DDX4: variants seen among roughly 807,000 people sequenced by gnomAD.
DDX4 encodes probable ATP-dependent RNA helicase DDX4.
In DDX4, 25 loss-of-function variants were observed where a neutral mutation model predicts 100.0. The observed-to-expected ratio is 0.25, with a 90% CI of 0.18 to 0.35. The LOEUF is 0.35. DDX4 is among the 10% of genes least tolerant of loss of function. DDX4 has a pLI of 1.00. For missense variants in DDX4, 635 were observed against 882.4 expected (o/e 0.72, Z 3.55); for synonymous variants, 259 against 275.7 (o/e 0.94, Z 0.60).
intron 18 of DDX4, among the ~76,000 whole-genome samples, chr5:55,802,905 G>A (rs1292893718): frequency 1.3e-5 from 2 of 151,886 alleles, no homozygotes; most frequent in African/African-American, 4.8e-5. Context: ...AAAAATACTA[G>A]GCAAAAAATC....
chr5:55,773,628 TG>T, intron 7 of DDX4, among the ~76,000 whole-genome samples: 1 of 152,174 alleles, frequency 6.6e-6, no homozygotes, highest in Non-Finnish European at 1.5e-5. Context: ...GTGGGTTTTT[TG>T]TTTTTTTATT....
chr5:55,794,329 A>G (rs555063325), intron 17 of DDX4, among the ~76,000 whole-genome samples: 1 of 150,542 alleles, frequency 6.6e-6, no homozygotes, highest in African/African-American at 2.4e-5. Flanking sequence ...CTGGGATTAC[A>G]GGCGCCTGCC....
At chr5:55,761,302 T>C (rs1382263351) in intron 4 of DDX4, among the ~76,000 whole-genome samples, 9 of 152,154 alleles carry the variant, frequency 5.9e-5, no homozygotes, top group African/African-American at 2.2e-4. Flanking sequence ...ATATTACATT[T>C]AGGAGCATAT....
chr5:55,787,671 A>G (rs573441605), intron 14 of DDX4, among the ~76,000 whole-genome samples, 175 bp from the exon 15 acceptor site: 1 of 152,346 alleles, frequency 6.6e-6, no homozygotes, highest in East Asian at 1.9e-4. Context: ...TAATAAGAGC[A>G]TAAAGACATA....
chr5:55,815,201 A>G, intron 20 of DDX4, 30 bp downstream of exon 20: 2 of 1,608,172 alleles, frequency 1.2e-6, no homozygotes, highest in Non-Finnish European at 1.7e-6. Flanking sequence ...TGGAATGGAT[A>G]GTTTTCTTAC....
At chr5:55,783,963 A>G (rs1363929213) in intron 10 of DDX4, among the ~76,000 whole-genome samples, 1 of 151,586 alleles carries the variant, frequency 6.6e-6, no homozygotes, top group East Asian at 1.9e-4. Flanking sequence ...TACATTAGGT[A>G]TTTCTCCTAA....
chr5:55,793,376 A>G (rs1742716158), intron 17 of DDX4, among the ~76,000 whole-genome samples: 1 of 152,068 alleles, frequency 6.6e-6, no homozygotes, highest in African/African-American at 2.4e-5. Flanking sequence ...GATGGGTCCT[A>G]TGGTTCAACA....
intron 18 of DDX4, among the ~76,000 whole-genome samples, chr5:55,813,236 A>G (rs986144448): frequency 2.6e-4 from 39 of 152,334 alleles, no homozygotes; most frequent in African/African-American, 9.1e-4. Context: ...AAGCAGCCCC[A>G]GGTCAGATGC....
At chr5:55,800,711 C>T (rs768987593) in intron 18 of DDX4, among the ~76,000 whole-genome samples, 5 of 151,966 alleles carry the variant, frequency 3.3e-5, no homozygotes, top group Non-Finnish European at 4.4e-5. Flanking sequence ...AGCTGGTTTG[C>T]CCTTGAGAAA....
intron 7 of DDX4, among the ~76,000 whole-genome samples, chr5:55,768,402 A>G (rs1301702933): frequency 6.6e-6 from 1 of 152,092 alleles, no homozygotes; most frequent in African/African-American, 2.4e-5. Flanking sequence ...CTGTTCCTGC[A>G]TTAGTTTGCT....
At chr5:55,813,831 A>G in intron 19 of DDX4, 59 bp downstream of exon 19, 1 of 1,458,832 alleles carries the variant, frequency 6.9e-7, no homozygotes, top group Admixed American at 2.5e-5. Flanking sequence ...TATTTAAGAA[A>G]CATCAGTTTA....
intron 10 of DDX4, among the ~76,000 whole-genome samples, chr5:55,783,132 A>G (rs957793089): frequency 3.3e-5 from 5 of 152,064 alleles, no homozygotes; most frequent in Admixed American, 3.3e-4. Flanking sequence ...GTGTCATATA[A>G]AAGTTAAAAT....
intron 2 of DDX4, among the ~76,000 whole-genome samples, chr5:55,744,010 T>G: frequency 6.6e-6 from 1 of 151,638 alleles, no homozygotes; most frequent in East Asian, 2.0e-4. Flanking sequence ...ATTGGATAAT[T>G]GTTCTTGTTT....
intron 18 of DDX4, among the ~76,000 whole-genome samples, chr5:55,804,637 A>G (rs1743570666): frequency 6.6e-6 from 1 of 151,904 alleles, no homozygotes; most frequent in Admixed American, 6.6e-5. Flanking sequence ...AGTTGTAGAT[A>G]TGCTGCGTTA....
rs773806504 is a variant in DDX4 at position 55,738,950 on chromosome 5, A to T, written c.-14A>T. On this transcript the variant is annotated splice_region_variant and 5_prime_UTR_variant, in exon 2 of 22. Coordinates refer to ENST00000505374, the MANE Select transcript of DDX4 (RefSeq NM_024415.3). ...TGCATTTTTTTTTTTTTATGAATAG[A>T]ACTTGAAGCCACCATGGGAGATGAA... 1 of 1,555,616 alleles carries T rather than the reference A, an allele frequency of 6.4e-7. No homozygotes were observed. The highest frequency in any genetic ancestry group is 1.1e-5 in the South Asian group (1 of 88,178).
At chr5:55,812,453 A>G (rs1042337379) in intron 18 of DDX4, among the ~76,000 whole-genome samples, 9 of 152,134 alleles carry the variant, frequency 5.9e-5, no homozygotes, top group African/African-American at 2.2e-4. Context: ...AGTCCCAGCT[A>G]CTCAGGAGGC....
At chr5:55,782,359 C>T (rs796085105) in intron 10 of DDX4, 7 of 185,238 alleles carry the variant, frequency 3.8e-5, no homozygotes, top group African/African-American at 1.6e-4. Context: ...AATTCTAGCA[C>T]TTTCGGAGGC....
chr5:55,763,878 G>A (rs1740723614), intron 5 of DDX4, 136 bp from the exon 6 acceptor site: 2 of 619,538 alleles, frequency 3.2e-6, no homozygotes, highest in Non-Finnish European at 2.9e-6. Context: ...TACAGCCTGA[G>A]TGAATTTGCA....
intron 17 of DDX4, 46 bp downstream of exon 17, chr5:55,792,853 A>G (rs1303517847): frequency 5.4e-6 from 6 of 1,107,146 alleles, no homozygotes; most frequent in African/African-American, 3.3e-5. Context: ...ATATATACAT[A>G]CTTTTATCAA....
Sources: allele counts gnomAD v4.1 joint callset (sites outside exome capture counted in the v4.1 genomes callset), GRCh38; gene constraint gnomAD v4.1.1; transcripts MANE v1.5; gene names NCBI Gene and HGNC (gene_info 2026-07-23, HGNC 2026-07-21).